Variants in ATP8A1 observed in about 807,000 individuals in gnomAD.
ATP8A1 encodes phospholipid-transporting ATPase IA.
ATP8A1 carries 90 observed loss-of-function variants against 177.7 expected under a neutral mutation model. The ratio of observed to expected loss-of-function variants is 0.51; its 90% CI spans 0.43 to 0.60. The LOEUF is 0.60. ATP8A1 is among the 20% of genes least tolerant of loss of function. The probability of loss-of-function intolerance (pLI) is 0.00; values close to 1 mark genes in which losing one functional copy is unlikely to be tolerated. For missense variants in ATP8A1, 1,072 were observed against 1,392.8 expected, an observed-to-expected ratio of 0.77 and a Z score of 3.67; for synonymous variants, 493 against 485.9, an observed-to-expected ratio of 1.01 and a Z score of -0.19.
chr4:42,419,836 T>C (rs755198949), intron 35 of ATP8A1, among the ~76,000 whole-genome samples: 2 of 152,274 alleles, frequency 1.3e-5, no homozygotes, highest in Non-Finnish European at 2.9e-5. Flanking sequence ...ACCCCGTCTC[T>C]ACTAAAATTA....
chr4:42,423,785 T>G (rs1714272768), intron 33 of ATP8A1, 80 bp from the exon 34 acceptor site: 3 of 925,154 alleles, frequency 3.2e-6, no homozygotes, highest in Non-Finnish European at 5.1e-6. Context: ...TATTTTTAAG[T>G]GAAACAATTT....
At chr4:42,590,594 C>T (rs1361412205) in intron 7 of ATP8A1, among the ~76,000 whole-genome samples, 1 of 152,094 alleles carries the variant, frequency 6.6e-6, no homozygotes, top group Non-Finnish European at 1.5e-5. Context: ...TTGATAACAA[C>T]AGGAGTTCAA....
chr4:42,478,085 C>T (rs977859520), intron 25 of ATP8A1, among the ~76,000 whole-genome samples: 7 of 151,602 alleles, frequency 4.6e-5, no homozygotes, highest in Non-Finnish European at 1.0e-4. Context: ...TTTTGGCGGG[C>T]GGCTCATGCC....
At chr4:42,613,566 A>AT (rs111595720) in intron 5 of ATP8A1, among the ~76,000 whole-genome samples, 34,034 of 151,332 alleles carry the variant, frequency 0.22, 4,266 homozygotes, top group Non-Finnish European at 0.29. Context: ...TTAAACTTGT[A>AT]TTTTTTTTTA....
chr4:42,608,588 G>C (rs1226492907), intron 5 of ATP8A1, among the ~76,000 whole-genome samples: 1 of 152,114 alleles, frequency 6.6e-6, no homozygotes, highest in African/African-American at 2.4e-5. Flanking sequence ...TTGAACTCCT[G>C]ACCTTGTGAT....
At chr4:42,416,167 A>G (rs1235504942) in intron 35 of ATP8A1, among the ~76,000 whole-genome samples, 1 of 152,224 alleles carries the variant, frequency 6.6e-6, no homozygotes, top group African/African-American at 2.4e-5. Flanking sequence ...TTACAGACCC[A>G]TGGACCCTGA....
intron 21 of ATP8A1, 80 bp from the exon 22 acceptor site, chr4:42,522,379 AGTCCCATTTT>A: frequency 1.3e-6 from 2 of 1,529,788 alleles, no homozygotes; most frequent in Middle Eastern, 1.7e-4. Flanking sequence ...TATTTCACAA[AGTCCCATTTT>A]GAAAAAAGTG....
intron 27 of ATP8A1, among the ~76,000 whole-genome samples, chr4:42,460,379 CTTTTTTTTTT>C (rs35296572): frequency 1.1e-5 from 1 of 94,542 alleles, no homozygotes; most frequent in Non-Finnish European, 2.0e-5. Flanking sequence ...ATGGATGGAT[CTTTTTTTTTT>C]TTTTTTTTTT....
At chr4:42,583,990 T>C (rs74580946) in intron 9 of ATP8A1, among the ~76,000 whole-genome samples, 3 of 152,230 alleles carry the variant, frequency 2.0e-5, no homozygotes, top group African/African-American at 4.8e-5. Context: ...CATGGAACGA[T>C]CACTCTGTGA....
At chr4:42,507,837 T>C (rs1027170025) in intron 22 of ATP8A1, among the ~76,000 whole-genome samples, 1 of 101,732 alleles carries the variant, frequency 9.8e-6, no homozygotes, top group Non-Finnish European at 1.9e-5. Context: ...GAGACTACCA[T>C]AGTGAAGATG....
chr4:42,601,058 T>TGAAA (rs1399436649), intron 5 of ATP8A1, among the ~76,000 whole-genome samples: 1 of 115,868 alleles, frequency 8.6e-6, no homozygotes, highest in Non-Finnish European at 1.7e-5. Context: ...TTTTTTGAGA[T>TGAAA]GGAGTCTCAC....
At chr4:42,469,349 C>T (rs1720145099) in intron 25 of ATP8A1, among the ~76,000 whole-genome samples, 1 of 152,160 alleles carries the variant, frequency 6.6e-6, no homozygotes, top group South Asian at 2.1e-4. Flanking sequence ...AGCATGTACA[C>T]ACCCAAGAGC....
chr4:42,444,031 T>A (rs6838816), intron 32 of ATP8A1, among the ~76,000 whole-genome samples: 93,664 of 152,088 alleles, frequency 0.62, 29,019 homozygotes, highest in East Asian at 0.84. Flanking sequence ...ATTATATGTA[T>A]GCTGATGGCT....
chr4:42,434,629 T>C (rs1715705325), intron 33 of ATP8A1, among the ~76,000 whole-genome samples: 1 of 152,234 alleles, frequency 6.6e-6, no homozygotes, highest in Non-Finnish European at 1.5e-5. Flanking sequence ...CACCTTTTCC[T>C]CCAGCTCAAA....
rs183520739 is a variant in ATP8A1 at position 42,554,885 on chromosome 4, C to T, written c.1413+1083G>A. Among the ~76,000 whole-genome samples, 104 of 152,218 alleles carry T rather than the reference C, an allele frequency of 6.8e-4. 1 individual carries two copies. Among genetic ancestry groups the T allele is most frequent in the African/African-American group, 2.5e-3 (103 of 41,506 alleles). On this transcript the variant is annotated intron_variant, in intron 16 of 36. Transcript: ENST00000381668. ...CAGCATGGCCAGAATATAAAGCAGG[C>T]AGAAAACTGTGAAAAGGCTAGACTG...
intron 1 of ATP8A1, among the ~76,000 whole-genome samples, chr4:42,649,102 C>T (rs1170699039): frequency 6.6e-6 from 1 of 152,146 alleles, no homozygotes; most frequent in Non-Finnish European, 1.5e-5. Flanking sequence ...TACAAAGATG[C>T]TTATTCAAGA....
chr4:42,506,878 A>G, intron 23 of ATP8A1, 138 bp downstream of exon 23: 1 of 1,010,564 alleles, frequency 9.9e-7, no homozygotes, highest in Non-Finnish European at 1.5e-6. Flanking sequence ...GCAGAGATGC[A>G]ATGGTGAAAA....
intron 15 of ATP8A1, among the ~76,000 whole-genome samples, chr4:42,564,700 C>T (rs1731182885): frequency 6.6e-6 from 1 of 152,182 alleles, no homozygotes; most frequent in Non-Finnish European, 1.5e-5. Context: ...AGGGACTTGC[C>T]TTGTCTCAGA....
chr4:42,607,363 C>T (rs1402700247), intron 5 of ATP8A1, among the ~76,000 whole-genome samples: 3 of 152,204 alleles, frequency 2.0e-5, no homozygotes, highest in African/African-American at 7.2e-5. Flanking sequence ...GACTTGAACA[C>T]TGGCCAAGGA....
Sources: gnomAD v4.1 joint callset for allele counts (sites outside exome capture counted in the v4.1 genomes callset) on GRCh38, gnomAD v4.1.1 for gene constraint, MANE v1.5 for transcripts, NCBI Gene and HGNC (gene_info 2026-07-23, HGNC 2026-07-21) for gene names.